The following ARMC9 variants were observed in gnomAD, a reference collection of about 807,000 sequenced individuals.
The protein encoded by ARMC9 is armadillo repeat containing 9, also known as lisH domain-containing protein ARMC9.
A neutral mutation model predicts 107.0 loss-of-function variants in ARMC9; 94 were observed. The ratio of observed to expected loss-of-function variants is 0.88; its 90% confidence interval spans 0.74 to 1.04. The LOEUF is 1.04. Among genes scored for constraint, ARMC9 ranks in the 50% least tolerant of loss-of-function variants. The pLI, the probability that ARMC9 is intolerant of heterozygous loss-of-function variation, is 0.00. For missense variants in ARMC9, 942 were observed against 1,030.1 expected, an observed-to-expected ratio of 0.91 and a Z score of 1.17; for synonymous variants, 380 against 396.9, an observed-to-expected ratio of 0.96 and a Z score of 0.51.
chr2:231,289,428 C>T (rs1368748688), intron 17 of ARMC9, among the ~76,000 whole-genome samples: 1 of 152,214 alleles, frequency 6.6e-6, no homozygotes, highest in African/African-American at 2.4e-5. Flanking sequence ...GATCGTGCCA[C>T]TGCACTCCAG....
chr2:231,235,448 T>C (rs1036435197), intron 8 of ARMC9, 67 bp downstream of exon 8: 1 of 1,545,944 alleles, frequency 6.5e-7, no homozygotes, highest in African/African-American at 1.4e-5. Context: ...GCATGGACTA[T>C]GTTGATATGG....
At chr2:231,264,537 G>T (rs191591192) in intron 12 of ARMC9, among the ~76,000 whole-genome samples, 1 of 150,426 alleles carries the variant, frequency 6.6e-6, no homozygotes, top group Non-Finnish European at 1.5e-5. Context: ...CACTCTAGTC[G>T]CCCAGGCTGG....
At chr2:231,351,819 T>C (rs1301517228) in intron 21 of ARMC9, among the ~76,000 whole-genome samples, 4 of 152,098 alleles carry the variant, frequency 2.6e-5, no homozygotes, top group African/African-American at 9.7e-5. Context: ...ACATAAATAT[T>C]CGTAACTAAA....
At chr2:231,245,584 G>T (rs577291575) in intron 9 of ARMC9, among the ~76,000 whole-genome samples, 1 of 152,316 alleles carries the variant, frequency 6.6e-6, no homozygotes, top group South Asian at 2.1e-4. Context: ...AGCGCATCCT[G>T]CCCTCCCGTG....
At chr2:231,234,646 C>G (rs1003435976) in intron 7 of ARMC9, among the ~76,000 whole-genome samples, 3 of 152,124 alleles carry the variant, frequency 2.0e-5, no homozygotes, top group African/African-American at 7.2e-5. Flanking sequence ...CCCAGTTGCC[C>G]AGGCTGGAGG....
At chr2:231,235,085 T>C (rs2035586220) in intron 7 of ARMC9, 139 bp from the exon 8 acceptor site, 1 of 892,260 alleles carries the variant, frequency 1.1e-6, no homozygotes, top group Non-Finnish European at 1.6e-6. Flanking sequence ...TAGAAGTAAG[T>C]GTGAAACACA....
chr2:231,335,659 C>G (rs1392488390), intron 20 of ARMC9, among the ~76,000 whole-genome samples: 1 of 152,184 alleles, frequency 6.6e-6, no homozygotes, highest in Non-Finnish European at 1.5e-5. Context: ...TCTAGTGAAG[C>G]CATGTGCTGT....
rs778199009 is a variant in ARMC9 at position 231,355,854 on chromosome 2, C to T, written c.2051C>T (p.Pro684Leu). 17 of 1,536,158 alleles carry T rather than the reference C, an allele frequency of 1.1e-5. No homozygotes were observed. The highest frequency in any genetic ancestry group is 1.2e-5 in the Non-Finnish European group (14 of 1,146,912). The part of the protein sequence containing the change: ...QTAQHARNGH[P>L]QALPAAHEAV... The stretch of plus-strand genomic sequence containing the variant: ...GCCCAGCACGCCAGAAACGGCCACC[C>T]GCAGGCCCTGCCAGCCGCTCACGAG... The change falls in exon 22 of 25, where the codon CCG becomes CTG. Residue 684 changes from proline to leucine, a missense_variant. Physicochemically the swap from Pro to Leu is moderately conservative, Grantham distance 98 (BLOSUM62 -3). Coordinates refer to ENST00000611582, the MANE Select transcript of ARMC9 (RefSeq NM_001352754.2).
intron 21 of ARMC9, among the ~76,000 whole-genome samples, chr2:231,355,284 G>T (rs2045291496): frequency 6.6e-6 from 1 of 152,180 alleles, no homozygotes; most frequent in Admixed American, 6.5e-5. Flanking sequence ...GGCTACAAGT[G>T]AGCTGTGGTT....
intron 13 of ARMC9, among the ~76,000 whole-genome samples, chr2:231,272,316 C>T (rs1190824175): frequency 6.6e-6 from 1 of 151,342 alleles, no homozygotes; most frequent in Non-Finnish European, 1.5e-5. Context: ...GCCTCAGCCC[C>T]CCAATTAGCG....
intron 19 of ARMC9, among the ~76,000 whole-genome samples, chr2:231,321,447 T>C (rs1001651704): frequency 1.3e-5 from 2 of 152,274 alleles, no homozygotes; most frequent in Non-Finnish European, 2.9e-5. Flanking sequence ...TGAGGTTTTT[T>C]CTGTGAAACT....
intron 16 of ARMC9, among the ~76,000 whole-genome samples, chr2:231,280,734 A>G (rs2040154287): frequency 6.6e-6 from 1 of 152,188 alleles, no homozygotes; most frequent in Admixed American, 6.5e-5. Flanking sequence ...ACATGTGACA[A>G]AAGTTTAATA....
intron 23 of ARMC9, among the ~76,000 whole-genome samples, chr2:231,361,355 CTT>C (rs1432715307): frequency 6.7e-6 from 1 of 149,474 alleles, no homozygotes; most frequent in Non-Finnish European, 1.5e-5. Context: ...AATCCCAACA[CTT>C]TGGGAGGCTG....
intron 18 of ARMC9, chr2:231,295,476 C>G (rs2041295490): frequency 6.6e-6 from 1 of 152,394 alleles, no homozygotes; most frequent in Non-Finnish European, 1.5e-5. Context: ...CTGCTTCTTA[C>G]CTGGCCCTAA....
chr2:231,256,471 C>T lies in ARMC9; in HGVS notation c.880-115C>T, dbSNP rs1251140533. 10 of 1,310,544 alleles carry T rather than the reference C, an allele frequency of 7.6e-6. No homozygotes were observed. The South Asian group carries it at 7.8e-5, about 10-fold the overall frequency. 81.2% of individuals were successfully genotyped at this position (1,310,544 alleles called of 1,614,324 possible). On this transcript the variant is annotated intron_variant, in intron 9 of 24. Coordinates refer to ENST00000611582, the MANE Select transcript of ARMC9 (RefSeq NM_001352754.2). ...TAAAAAAAAAAACCAAAAAAAAAAA[C>T]CCAAAAAACCTAACTTGCACATCTG...
chr2:231,282,265 A>G, intron 17 of ARMC9, 132 bp downstream of exon 17: 4 of 874,200 alleles, frequency 4.6e-6, no homozygotes, highest in Non-Finnish European at 7.2e-6. Context: ...AATTGTATGT[A>G]AAATGTATAT....
intron 9 of ARMC9, among the ~76,000 whole-genome samples, chr2:231,251,373 G>A (rs980938795): frequency 1.3e-5 from 2 of 151,968 alleles, no homozygotes; most frequent in African/African-American, 2.4e-5. Context: ...CACCATATTC[G>A]CCAGGCTAGT....
intron 20 of ARMC9, among the ~76,000 whole-genome samples, chr2:231,335,542 T>C (rs1344018509): frequency 6.6e-6 from 1 of 152,142 alleles, no homozygotes; most frequent in African/African-American, 2.4e-5. Context: ...TGCAAAATGC[T>C]GAAGAGCACG....
At chr2:231,361,006 G>A (rs1276362477) in intron 23 of ARMC9, 123 bp downstream of exon 23, 3 of 1,373,542 alleles carry the variant, frequency 2.2e-6, no homozygotes, top group African/African-American at 2.9e-5. Flanking sequence ...CTCTGACAGG[G>A]GAGGCTAAGG....
Sources: allele counts gnomAD v4.1 joint callset (sites outside exome capture counted in the v4.1 genomes callset), GRCh38; gene constraint gnomAD v4.1.1; transcripts MANE v1.5; gene names NCBI Gene and HGNC (gene_info 2026-07-23, HGNC 2026-07-21).